SPOP: variants seen among roughly 807,000 people sequenced by gnomAD.
The protein encoded by SPOP is speckle type BTB/POZ protein, also known as speckle-type POZ protein.
Under a neutral mutation model 45.6 loss-of-function variants are expected in SPOP, and 11 were observed. The ratio of observed to expected loss-of-function variants is 0.24; its 90% CI spans 0.15 to 0.40. The LOEUF (loss-of-function observed/expected upper bound fraction) is 0.40. Ranked by LOEUF, SPOP falls within the 10% of genes least tolerant of loss-of-function variation. SPOP has a pLI of 1.00. For synonymous variants in SPOP, 166 were observed against 166.3 expected, an observed-to-expected ratio of 1.00 and a Z score of 0.01; for missense variants, 152 against 465.6, an observed-to-expected ratio of 0.33 and a Z score of 6.20.
chr17:49,646,773 A>G (rs2072765613), intron 1 of SPOP: 1 of 152,206 alleles, frequency 6.6e-6, no homozygotes. Context: ...AGAAGCTCAG[A>G]GTTCCAATTT....
chr17:49,659,047 T>C (rs758086126), intron 1 of SPOP, among the ~76,000 whole-genome samples: 1 of 152,118 alleles, frequency 6.6e-6, no homozygotes, highest in African/African-American at 2.4e-5. Context: ...GCTGGAAGAA[T>C]AGAAAGAAGG....
chr17:49,647,438 G>T (rs1226714860), intron 1 of SPOP, among the ~76,000 whole-genome samples: 2 of 151,582 alleles, frequency 1.3e-5, no homozygotes, highest in African/African-American at 4.9e-5. Context: ...CTGGATCCTG[G>T]GAACGAATCC....
intron 1 of SPOP, among the ~76,000 whole-genome samples, chr17:49,660,990 CT>C (rs1421307018): frequency 6.6e-6 from 1 of 152,052 alleles, no homozygotes; most frequent in Non-Finnish European, 1.5e-5. Flanking sequence ...TAATTTATTC[CT>C]TTCCTTCATT....
intron 5 of SPOP, among the ~76,000 whole-genome samples, chr17:49,615,061 G>A (rs1349066702): frequency 1.3e-5 from 2 of 152,066 alleles, no homozygotes; most frequent in African/African-American, 4.8e-5. Context: ...GTCTCACTAT[G>A]TTGCCCAGGC....
rs1418055722 is a variant in SPOP at position 49,600,755 on chromosome 17, A to C, written c.981-233T>G. On this transcript the variant is annotated intron_variant, in intron 9 of 9. Transcript: ENST00000504102. This position sits in a 1 kb window ranked among gnomAD's most constrained non-coding sequence, Gnocchi z 4.2. ...ACTTTGAGCCACTATATTCTCAAAA[A>C]CAAAAAGCAGAATGTTCCCCAGGCC... 11 of 512,244 alleles carry C rather than the reference A, an allele frequency of 2.1e-5. No individual in the cohort carries two copies. In the East Asian group the frequency reaches 3.6e-4, roughly 17 times the overall value. The allele number at this position is 512,244 out of a possible 1,614,324, so 31.7% of individuals were successfully genotyped here.
At position 49,676,551 on chromosome 17, in the gene SPOP, T is replaced by A. The variant is rs149294036; in HGVS notation, c.-67+1382A>T. Among the ~76,000 whole-genome samples the A allele has an allele frequency of 9.8e-3, 1,489 of 152,214 alleles. 15 individuals are homozygous for A. Among genetic ancestry groups the A allele is most frequent in the Middle Eastern group, 0.02 (6 of 294 alleles). Reference sequence around the variant, plus strand: ...ATCAAAGAATACAAACTAAAGAGAATTGAAAGTAAGGCTTACTAATAGTTC... The same window carrying A: ...ATCAAAGAATACAAACTAAAGAGAAATGAAAGTAAGGCTTACTAATAGTTC... On this transcript the variant is annotated intron_variant, in intron 1 of 9. Coordinates refer to ENST00000504102, the MANE Select transcript of SPOP (RefSeq NM_001007228.2).
At chr17:49,660,352 T>C (rs1178638715) in intron 1 of SPOP, among the ~76,000 whole-genome samples, 3 of 152,228 alleles carry the variant, frequency 2.0e-5, no homozygotes, top group East Asian at 3.8e-4. Context: ...TTACCTTTGA[T>C]GTGAGTTAGT....
chr17:49,669,668 G>A (rs1484752694), intron 1 of SPOP, among the ~76,000 whole-genome samples: 1 of 149,252 alleles, frequency 6.7e-6, no homozygotes, highest in African/African-American at 2.5e-5. Flanking sequence ...GGGAGGCTTA[G>A]GTAAGAGAAT....
chr17:49,642,247 AAAAG>A (rs958899811), intron 1 of SPOP, among the ~76,000 whole-genome samples: 1 of 152,132 alleles, frequency 6.6e-6, no homozygotes, highest in African/African-American at 2.4e-5. Context: ...AAAGGTTTTT[AAAAG>A]AAAGAATCAT....
At chr17:49,677,003 T>C (rs1431189313) in intron 1 of SPOP, among the ~76,000 whole-genome samples, 1 of 152,102 alleles carries the variant, frequency 6.6e-6, no homozygotes, top group East Asian at 1.9e-4. Flanking sequence ...ACAGATAAAA[T>C]GAAAAGTGCT....
In SPOP at chr17:49,619,062, G is replaced by C. The variant is rs193921065; in HGVS notation, c.399C>G (p.Phe133Leu). 6.2e-7 allele frequency: 1 copy of C among 1,614,086 alleles called. No individual in the cohort carries two copies. ...YRFVQGKDWGFKKFIRRDFLL... is the reference protein window; with the variant it reads ...YRFVQGKDWGLKKFIRRDFLL... Reference sequence around the variant, plus strand: ...GAAAATCTCTACGGATGAATTTCTTGAATCCCCAGTCTTTGCCTTGCACAA... The same window carrying C: ...GAAAATCTCTACGGATGAATTTCTTCAATCCCCAGTCTTTGCCTTGCACAA... The change falls in exon 5 of 10, where the codon TTC (phenylalanine) becomes TTG (leucine). Residue 133 changes from phenylalanine to leucine, a missense_variant. Transcript: ENST00000504102. The surrounding 1 kb of genome is among the most constrained non-coding windows in gnomAD (Gnocchi z 4.9).
At chr17:49,628,530 CAA>C (rs201088065) in intron 1 of SPOP, among the ~76,000 whole-genome samples, 18 of 133,436 alleles carry the variant, frequency 1.3e-4, no homozygotes, top group African/African-American at 4.6e-4. Flanking sequence ...GACAGAAGGA[CAA>C]AAAAAAAAAA....
chr17:49,654,154 T>A (rs368621586), intron 1 of SPOP, among the ~76,000 whole-genome samples: 14 of 152,368 alleles, frequency 9.2e-5, no homozygotes, highest in African/African-American at 3.1e-4. Flanking sequence ...AGGATACCTA[T>A]TAATGCAGCC....
chr17:49,645,166 C>G (rs955905876), intron 1 of SPOP, among the ~76,000 whole-genome samples: 3 of 152,192 alleles, frequency 2.0e-5, no homozygotes, highest in Admixed American at 6.5e-5. Flanking sequence ...CAGATCATCT[C>G]ACTAAGGAAA....
At chr17:49,669,626 G>A (rs899610614) in intron 1 of SPOP, among the ~76,000 whole-genome samples, 9 of 150,506 alleles carry the variant, frequency 6.0e-5, no homozygotes, top group Non-Finnish European at 1.2e-4. Context: ...TTAGCTGGGC[G>A]TGGTGATGTG....
intron 1 of SPOP, among the ~76,000 whole-genome samples, chr17:49,662,183 T>G (rs917371861): frequency 6.6e-6 from 1 of 151,926 alleles, no homozygotes. Flanking sequence ...CAAATGCAAT[T>G]TTTAAAGCTC....
chr17:49,667,293 TAAA>T (rs34967563), intron 1 of SPOP, among the ~76,000 whole-genome samples: 1 of 132,684 alleles, frequency 7.5e-6, no homozygotes, highest in African/African-American at 2.8e-5. Context: ...TCCAGAGCCT[TAAA>T]AAAAAAAAAA....
At position 49,600,611 on chromosome 17, in the gene SPOP, T is replaced by C. The variant is rs1239736338; in HGVS notation, c.981-89A>G. On this transcript the variant is annotated intron_variant, in intron 9 of 9. Coordinates refer to ENST00000504102, the MANE Select transcript of SPOP (RefSeq NM_001007228.2). The surrounding 1 kb of genome is among the most constrained non-coding windows in gnomAD (Gnocchi z 4.2). The stretch of plus-strand genomic sequence containing the variant: ...CCTAGATAGCCTAATTTTCCACTGT[T>C]AGGTATAAAGGGTGTCAATGCAAGA... The C allele has an allele frequency of 6.8e-7, 1 of 1,469,040 alleles. No individual in the cohort carries two copies. Among genetic ancestry groups the C allele is most frequent in the African/African-American group, 1.4e-5 (1 of 71,948 alleles). 91.0% of individuals were successfully genotyped at this position (1,469,040 alleles called of 1,614,324 possible).
chr17:49,645,001 A>G (rs2143457958), intron 1 of SPOP, among the ~76,000 whole-genome samples: 1 of 152,294 alleles, frequency 6.6e-6, no homozygotes, highest in Non-Finnish European at 1.5e-5. Context: ...TAAGCTTTTC[A>G]AATCGATGAA....
Sources: allele counts gnomAD v4.1 joint callset (sites outside exome capture counted in the v4.1 genomes callset), GRCh38; gene constraint gnomAD v4.1.1; non-coding constraint Gnocchi (gnomAD v3.1); transcripts MANE v1.5; gene names NCBI Gene and HGNC (gene_info 2026-07-23, HGNC 2026-07-21).